The following CKAP5 variants were observed in gnomAD, a reference collection of about 807,000 sequenced individuals.
CKAP5 encodes cytoskeleton associated protein 5.
In CKAP5, 27 loss-of-function variants were observed where a neutral mutation model predicts 232.8. That is an observed-to-expected ratio of 0.12 (90% CI 0.09 to 0.16). The LOEUF is 0.16. Ranked by LOEUF, CKAP5 falls within the 10% of genes least tolerant of loss-of-function variation. CKAP5 has a pLI of 1.00. For missense variants in CKAP5, 1,838 were observed against 2,424.7 expected (o/e 0.76, Z 5.08); for synonymous variants, 785 against 841.1 (o/e 0.93, Z 1.16).
chr11:46,748,531 T>C (rs1442703828), intron 42 of CKAP5, among the ~76,000 whole-genome samples: 1 of 151,964 alleles, frequency 6.6e-6, no homozygotes, highest in Non-Finnish European at 1.5e-5. Context: ...TCCCGGAACT[T>C]TGGGAGGCCG....
chr11:46,818,271 A>C, intron 3 of CKAP5, 39 bp downstream of exon 3: 2 of 1,465,924 alleles, frequency 1.4e-6, no homozygotes, highest in East Asian at 2.4e-5. Flanking sequence ...AACACCAAAC[A>C]GGGGTTTTTA....
chr11:46,810,977 C>T (rs540214246), intron 5 of CKAP5, 30 bp downstream of exon 5: 95 of 1,549,918 alleles, frequency 6.1e-5, no homozygotes, highest in Non-Finnish European at 7.6e-5. Context: ...TAACCTTGTG[C>T]GAAAGCAACC....
rs1285810994 is a variant in CKAP5 at position 46,751,120 on chromosome 11, T to A, written c.5458A>T (p.Ile1820Leu). The change falls in exon 40 of 44, where the codon ATA becomes TTA. Residue 1820 changes from isoleucine (I) to leucine (L), a missense_variant and splice_region_variant. By Grantham distance (5) the Ile-to-Leu change is conservative. Coordinates refer to ENST00000529230, the MANE Select transcript of CKAP5 (RefSeq NM_001008938.4). ...ATCTTTCAAGTCAGGCCACTCACTA[T>A]TCGAGATGCTCCCTTTTCTGTTTCC... ...DKETEKGASR[I>L]DEKSSKAKVN... is the part of the protein sequence containing the mutation. 1 of 1,614,162 alleles carries A rather than the reference T, an allele frequency of 6.2e-7. No individual in the cohort carries two copies. The highest frequency in any genetic ancestry group is 8.5e-7 in the Non-Finnish European group (1 of 1,180,026).
chr11:46,797,198 T>C (rs1401916666), intron 11 of CKAP5, among the ~76,000 whole-genome samples: 1 of 152,130 alleles, frequency 6.6e-6, no homozygotes, highest in Non-Finnish European at 1.5e-5. Flanking sequence ...TGAAACCCCA[T>C]CTCTACTAAA....
rs192785069 is a variant in CKAP5 at position 46,828,345 on chromosome 11, C to T, written c.-37-7077G>A. On this transcript the variant is annotated intron_variant, in intron 1 of 43. Transcript: ENST00000529230. ...GATTTTTGAACTGCCAAGACAGTCT[C>T]ATTCTACAATGCATTTAACTGTAAA... 2.8e-3 allele frequency among the ~76,000 whole-genome samples: 419 copies of T among 152,274 alleles called. 2 individuals are homozygous for T. Among genetic ancestry groups the T allele is most frequent in the African/African-American group, 9.6e-3 (397 of 41,548 alleles).
At position 46,757,107 on chromosome 11, in the gene CKAP5, C is replaced by T. The variant is rs534906641; in HGVS notation, c.4689+1816G>A. Among the ~76,000 whole-genome samples the T allele has an allele frequency of 3.3e-5, 5 of 152,072 alleles. No homozygotes were observed. In the East Asian group the frequency reaches 7.8e-4, roughly 24 times the overall value. On this transcript the variant is annotated intron_variant, in intron 35 of 43. Transcript: ENST00000529230. Reference sequence around the variant, plus strand: ...TAAAATGTCCTTAATTTGTATTTCTCTGATGTTTCCCATGATTCAGGTTAT... The same window carrying T: ...TAAAATGTCCTTAATTTGTATTTCTTTGATGTTTCCCATGATTCAGGTTAT...
Position 46,797,832 on chromosome 11 carries a change from T to C in CKAP5, c.1311A>G (p.Leu437=), listed in dbSNP as rs1938915857. Reference sequence around the variant, plus strand: ...TAAGTAGTGCAGCACAAAAGGGCTTTAGCAAGCTCTTTGGCAGGGTAGAAG... The same window carrying C: ...TAAGTAGTGCAGCACAAAAGGGCTTCAGCAAGCTCTTTGGCAGGGTAGAAG... ...CTASTLPKSL[L]KPFCAALLKH... is the part of the protein sequence containing the mutation. The change falls in exon 11 of 44, where the codon CTA becomes CTG. Residue 437 remains leucine (L), a synonymous_variant. Transcript: ENST00000529230. 2.5e-6 allele frequency: 4 copies of C among 1,613,276 alleles called. No individual in the cohort carries two copies. The highest frequency in any genetic ancestry group is 3.4e-6 in the Non-Finnish European group (4 of 1,179,834).
intron 42 of CKAP5, among the ~76,000 whole-genome samples, chr11:46,748,210 A>AT (rs1378694264): frequency 2.0e-5 from 3 of 152,124 alleles, no homozygotes; most frequent in Non-Finnish European, 4.4e-5. Flanking sequence ...AAAATGTTTC[A>AT]TTAGAGTCAT....
At chr11:46,758,748 T>C in intron 35 of CKAP5, 175 bp downstream of exon 35, 1 of 601,574 alleles carries the variant, frequency 1.7e-6, no homozygotes. Flanking sequence ...TCTATTAGAG[T>C]CACATCCTCT....
Position 46,811,050 on chromosome 11 carries a change from C to G in CKAP5, c.587G>C (p.Arg196Pro). The G allele has an allele frequency of 6.2e-7, 1 of 1,614,020 alleles. No homozygotes were observed. The highest frequency in any genetic ancestry group is 1.3e-5 in the African/African-American group (1 of 75,036). ...TTGTAATGGGGGTCTCAGAGCATCCCGAATCCATCTGTAAATCTCCACAGC... is the reference window on the plus strand; with the variant it reads ...TTGTAATGGGGGTCTCAGAGCATCCGGAATCCATCTGTAAATCTCCACAGC... Reference protein sequence around the residue: ...LIAVEIYRWIRDALRPPLQNI... With the variant: ...LIAVEIYRWIPDALRPPLQNI... The change falls in exon 5 of 44, where the codon CGG (arginine) becomes CCG (proline). Residue 196 changes from arginine to proline, a missense_variant. Transcript: ENST00000529230.
Position 46,743,917 on chromosome 11 carries a change from C to T in CKAP5, c.*106G>A. The stretch of plus-strand genomic sequence containing the variant: ...CTCCCCCTAGCTCCACGGCATGATA[C>T]ATACAACCAGTTTGTATACACTAGG... On this transcript the variant is annotated 3_prime_UTR_variant, in exon 44 of 44. Coordinates refer to ENST00000529230, the MANE Select transcript of CKAP5 (RefSeq NM_001008938.4). 1 of 1,396,776 alleles carries T rather than the reference C, an allele frequency of 7.2e-7. No homozygotes were observed. The highest frequency in any genetic ancestry group is 1.0e-6 in the Non-Finnish European group (1 of 1,002,320). The allele number at this position is 1,396,776 out of a possible 1,614,324, so 86.5% of individuals were successfully genotyped here. A position where few individuals can be genotyped will look rare whatever the true frequency, so the allele number is the denominator to read the frequency against.
chr11:46,770,595 C>A (rs541458606), intron 25 of CKAP5, among the ~76,000 whole-genome samples, 193 bp downstream of exon 25: 22 of 152,236 alleles, frequency 1.4e-4, no homozygotes, highest in Non-Finnish European at 2.8e-4. Flanking sequence ...CCAAACCCGG[C>A]TAAATTTTGT....
intron 26 of CKAP5, 22 bp from the exon 27 acceptor site, chr11:46,767,685 T>C: frequency 6.8e-7 from 1 of 1,466,740 alleles, no homozygotes; most frequent in South Asian, 1.2e-5. Flanking sequence ...AAAATATATA[T>C]ATACTATAAA....
At chr11:46,796,163 C>T (rs1156793368) in intron 12 of CKAP5, among the ~76,000 whole-genome samples, 1 of 20,244 alleles carries the variant, frequency 4.9e-5, no homozygotes, top group African/African-American at 1.0e-4. Context: ...AGATTCATTG[C>T]CAAAAAAAAA....
intron 27 of CKAP5, among the ~76,000 whole-genome samples, chr11:46,765,599 C>CTTTT (rs147227678): frequency 2.7e-5 from 2 of 74,650 alleles, no homozygotes; most frequent in African/African-American, 5.3e-5. Flanking sequence ...TTAATGACAT[C>CTTTT]TTTTTTTTTT....
At chr11:46,823,426 A>G (rs917792346) in intron 1 of CKAP5, among the ~76,000 whole-genome samples, 2 of 152,220 alleles carry the variant, frequency 1.3e-5, no homozygotes, top group African/African-American at 4.8e-5. Context: ...AATATAAATC[A>G]TATGAAAAAG....
chr11:46,771,252 G>T (rs910807838), intron 24 of CKAP5, among the ~76,000 whole-genome samples: 1 of 152,186 alleles, frequency 6.6e-6, no homozygotes, highest in Middle Eastern at 3.2e-3. Context: ...TCTTAAAGAT[G>T]AAAAACTTTT....
intron 1 of CKAP5, among the ~76,000 whole-genome samples, chr11:46,843,734 A>G (rs1265681996): frequency 6.6e-6 from 1 of 151,872 alleles, no homozygotes; most frequent in Non-Finnish European, 1.5e-5. Context: ...GATTGAAAAA[A>G]AAAAAAAAAA....
At chr11:46,783,236 C>T (rs781627228) in intron 18 of CKAP5, 38 bp downstream of exon 18, 12 of 1,180,620 alleles carry the variant, frequency 1.0e-5, no homozygotes, top group Non-Finnish European at 1.4e-5. Context: ...ACTGACAGAA[C>T]ATTTAACTAT....
Sources: allele counts gnomAD v4.1 joint callset (sites outside exome capture counted in the v4.1 genomes callset), GRCh38; gene constraint gnomAD v4.1.1; transcripts MANE v1.5; gene names NCBI Gene and HGNC (gene_info 2026-07-23, HGNC 2026-07-21).